Variants in ANKRD33B observed in about 807,000 individuals in gnomAD.
ANKRD33B encodes ankyrin repeat domain-containing protein 33B.
A neutral mutation model predicts 21.5 loss-of-function variants in ANKRD33B; 6 were observed. The ratio of observed to expected loss-of-function variants is 0.28; its 90% CI spans 0.15 to 0.55. ANKRD33B has a LOEUF of 0.55. ANKRD33B is among the 20% of genes least tolerant of loss of function. The pLI is 0.94. For missense variants in ANKRD33B, 698 were observed against 747.2 expected (o/e 0.93, Z 0.77); for synonymous variants, 347 against 342.4 (o/e 1.01, Z -0.15).
intron 1 of ANKRD33B, among the ~76,000 whole-genome samples, chr5:10,591,887 G>A (rs1417529383): frequency 6.6e-6 from 1 of 151,762 alleles, no homozygotes; most frequent in Non-Finnish European, 1.5e-5. Flanking sequence ...TTATAATTTT[G>A]ATATAAGGGA....
At chr5:10,585,002 T>C (rs1735524423) in intron 1 of ANKRD33B, among the ~76,000 whole-genome samples, 1 of 152,146 alleles carries the variant, frequency 6.6e-6, no homozygotes, top group African/African-American at 2.4e-5. Context: ...AGCTGGAATG[T>C]TCTAGAAGAG....
At chr5:10,587,045 C>T (rs548479050) in intron 1 of ANKRD33B, among the ~76,000 whole-genome samples, 12 of 151,414 alleles carry the variant, frequency 7.9e-5, no homozygotes, top group African/African-American at 2.0e-4. Flanking sequence ...GATGGAGTCT[C>T]GCTCTGTCGC....
At chr5:10,587,742 G>A (rs1442816226) in intron 1 of ANKRD33B, among the ~76,000 whole-genome samples, 1 of 152,084 alleles carries the variant, frequency 6.6e-6, no homozygotes, top group Non-Finnish European at 1.5e-5. Flanking sequence ...TATAAATAAA[G>A]TTTTGAGTCC....
chr5:10,599,878 T>A (rs186329955), intron 1 of ANKRD33B, among the ~76,000 whole-genome samples: 2 of 152,374 alleles, frequency 1.3e-5, no homozygotes, highest in African/African-American at 4.8e-5. Flanking sequence ...CATGTGGCAA[T>A]TCTATGTTTA....
intron 1 of ANKRD33B, among the ~76,000 whole-genome samples, chr5:10,602,935 C>T (rs955569806): frequency 1.8e-4 from 27 of 152,002 alleles, no homozygotes; most frequent in African/African-American, 6.3e-4. Flanking sequence ...GCCTCAGCCT[C>T]TAGAGTAGCT....
At chr5:10,602,933 C>T (rs1433435619) in intron 1 of ANKRD33B, among the ~76,000 whole-genome samples, 1 of 152,022 alleles carries the variant, frequency 6.6e-6, no homozygotes, top group African/African-American at 2.4e-5. Flanking sequence ...CTGCCTCAGC[C>T]TCTAGAGTAG....
Position 10,649,814 on chromosome 5 carries a change from C to G in ANKRD33B, c.1186C>G (p.Pro396Ala). Reference protein sequence around the residue: ...GLPPALGSRGPAAPAPRKASL... With the variant: ...GLPPALGSRGAAAPAPRKASL... ...CCCTCCCGCCCTGGGGTCCCGGGGCCCCGCAGCGCCCGCCCCGCGGAAGGC... is the reference window on the plus strand; with the variant it reads ...CCCTCCCGCCCTGGGGTCCCGGGGCGCCGCAGCGCCCGCCCCGCGGAAGGC... Residue 396 changes from proline (P) to alanine (A), a missense_variant, in exon 4 of 4, where the codon CCC becomes GCC. Pro to Ala is a conservative substitution (Grantham distance 27). This residue lies in a region of ANKRD33B where 543 missense variants were observed against 566.5 expected (regional missense o/e 0.96). Transcript: ENST00000296657. 7.2e-7 allele frequency: 1 copy of G among 1,381,284 alleles called. No individual in the cohort carries two copies. The highest frequency in any genetic ancestry group is 1.6e-5 in the South Asian group (1 of 63,424). The allele number at this position is 1,381,284 out of a possible 1,614,324, so 85.6% of individuals were successfully genotyped here.
In ANKRD33B at chr5:10,652,695, C is replaced by G. The variant is rs1737387149; in HGVS notation, c.*2582C>G. 2 of 164,958 alleles carry G rather than the reference C, an allele frequency of 1.2e-5. 1 individual carries two copies. Among genetic ancestry groups the G allele is most frequent in the South Asian group, 2.9e-4 (2 of 6,900 alleles). 10.2% of individuals were successfully genotyped at this position (164,958 alleles called of 1,614,324 possible). On this transcript the variant is annotated 3_prime_UTR_variant, in exon 4 of 4. Coordinates refer to ENST00000296657, the MANE Select transcript of ANKRD33B (RefSeq NM_001164440.2). This position sits in a 1 kb window ranked among gnomAD's most constrained non-coding sequence, Gnocchi z 4.1. ...ACAGCAATGATGGGACAGCAAATGACTGGCAATTTCCCCAGGTCCCACGCT... is the reference window on the plus strand; with the variant it reads ...ACAGCAATGATGGGACAGCAAATGAGTGGCAATTTCCCCAGGTCCCACGCT...
At chr5:10,643,466 AT>A (rs140296143) in intron 3 of ANKRD33B, among the ~76,000 whole-genome samples, 16,224 of 152,004 alleles carry the variant, frequency 0.11, 1,160 homozygotes, top group Non-Finnish European at 0.16. Flanking sequence ...GAGAAGAGAC[AT>A]TTTCCCCTCT....
chr5:10,599,870 T>A lies in ANKRD33B; in HGVS notation c.367-18463T>A, dbSNP rs114573332. Among the ~76,000 whole-genome samples the A allele has an allele frequency of 5.8e-3, 889 of 152,376 alleles. 8 individuals are homozygous for A. Among genetic ancestry groups the A allele is most frequent in the African/African-American group, 0.02 (837 of 41,586 alleles). On this transcript the variant is annotated intron_variant, in intron 1 of 3. Transcript: ENST00000296657. The stretch of plus-strand genomic sequence containing the variant: ...ACCTAGGAGTGGAATTACTGGATCA[T>A]GTGGCAATTCTATGTTTAGCTTTCT...
intron 3 of ANKRD33B, among the ~76,000 whole-genome samples, chr5:10,644,843 G>C (rs897954847): frequency 6.6e-6 from 1 of 152,216 alleles, no homozygotes; most frequent in African/African-American, 2.4e-5. Context: ...TTGGGGGCAA[G>C]TAGTTTTGAG....
rs545061051 is a variant in ANKRD33B at position 10,610,410 on chromosome 5, C to A, written c.367-7923C>A. 3.9e-5 allele frequency among the ~76,000 whole-genome samples: 6 copies of A among 152,116 alleles called. 1 individual carries two copies. Among genetic ancestry groups the A allele is most frequent in the Admixed American group, 1.3e-4 (2 of 15,298 alleles). On this transcript the variant is annotated intron_variant, in intron 1 of 3. Coordinates refer to ENST00000296657, the MANE Select transcript of ANKRD33B (RefSeq NM_001164440.2). ...CATAGTACAGGGGACAGCCCCCCCC[C>A]CGAATAAAGAATTATCTGGCCCCAC...
intron 1 of ANKRD33B, among the ~76,000 whole-genome samples, chr5:10,612,376 G>A (rs1736190580): frequency 6.6e-6 from 1 of 152,154 alleles, no homozygotes; most frequent in South Asian, 2.1e-4. Context: ...AGCTCTCTGG[G>A]TCCTCTTGTA....
intron 1 of ANKRD33B, among the ~76,000 whole-genome samples, chr5:10,593,042 C>A (rs1213317225): frequency 6.6e-6 from 1 of 152,142 alleles, no homozygotes; most frequent in Non-Finnish European, 1.5e-5. Context: ...CTTTTCCCAC[C>A]ACCCCGTATC....
intron 3 of ANKRD33B, among the ~76,000 whole-genome samples, chr5:10,648,733 T>C (rs1350510760): frequency 2.0e-5 from 3 of 151,972 alleles, no homozygotes; most frequent in Non-Finnish European, 2.9e-5. Context: ...CACTCCAGCC[T>C]GGGCAACAAG....
In ANKRD33B at chr5:10,654,699, G is replaced by A. The variant is rs1437534949; in HGVS notation, c.*4586G>A. 2.0e-5 allele frequency: 3 copies of A among 152,344 alleles called. No homozygotes were observed. The highest frequency in any genetic ancestry group is 2.9e-5 in the Non-Finnish European group (2 of 68,038). The allele number at this position is 152,344 out of a possible 1,614,324, so 9.4% of individuals were successfully genotyped here. A position where few individuals can be genotyped will look rare whatever the true frequency, so the allele number is the denominator to read the frequency against. ...ATCAACAACAATGAAATGCACCTCC[G>A]TGTGCATGGAGGCGGCTGATGAGAA... On this transcript the variant is annotated 3_prime_UTR_variant, in exon 4 of 4. Transcript: ENST00000296657.
chr5:10,568,843 G>A (rs976684956), intron 1 of ANKRD33B, among the ~76,000 whole-genome samples: 3 of 152,112 alleles, frequency 2.0e-5, no homozygotes, highest in Non-Finnish European at 4.4e-5. Flanking sequence ...CTGCTTCTGC[G>A]TGTTTAAATT....
intron 3 of ANKRD33B, among the ~76,000 whole-genome samples, chr5:10,640,286 C>T (rs1033672175): frequency 6.6e-6 from 1 of 152,168 alleles, no homozygotes; most frequent in South Asian, 2.1e-4. Context: ...GGATCAACCC[C>T]TCTTTGTCTT....
At chr5:10,589,233 C>T (rs991343106) in intron 1 of ANKRD33B, among the ~76,000 whole-genome samples, 9 of 151,872 alleles carry the variant, frequency 5.9e-5, no homozygotes, top group Non-Finnish European at 1.2e-4. Flanking sequence ...TTTCTCGTTC[C>T]CCACCTGCTG....
Sources: gnomAD v4.1 joint callset for allele counts (sites outside exome capture counted in the v4.1 genomes callset) on GRCh38, gnomAD v4.1.1 for gene constraint, gnomAD v4.1.1 regional missense constraint, Gnocchi (gnomAD v3.1) non-coding constraint, MANE v1.5 for transcripts, NCBI Gene and HGNC (gene_info 2026-07-23, HGNC 2026-07-21) for gene names.